EHMT2: variants seen among roughly 807,000 people sequenced by gnomAD.
EHMT2 encodes euchromatic histone lysine methyltransferase 2.
EHMT2 carries 59 observed loss-of-function variants against 143.3 expected under a neutral mutation model. The observed-to-expected ratio is 0.41, with a 90% CI of 0.33 to 0.51. EHMT2 has a LOEUF of 0.51. Ranked by LOEUF, EHMT2 falls within the 20% of genes least tolerant of loss-of-function variation. EHMT2 has a pLI of 0.18. For synonymous variants in EHMT2, 604 were observed against 651.5 expected, an observed-to-expected ratio of 0.93 and a Z score of 1.11; for missense variants, 1,174 against 1,645.9, an observed-to-expected ratio of 0.71 and a Z score of 4.96.
At chr6:31,891,687 A>G (rs1333942206) in intron 7 of EHMT2, among the ~76,000 whole-genome samples, 1 of 152,236 alleles carries the variant, frequency 6.6e-6, no homozygotes, top group African/African-American at 2.4e-5. Context: ...CTGTGTAGGC[A>G]AACATATAAG....
At position 31,882,949 on chromosome 6, in the gene EHMT2, G is replaced by A; in HGVS notation, c.3055C>T (p.Gln1019Ter). The A allele has an allele frequency of 6.2e-7, 1 of 1,612,968 alleles. No individual in the cohort carries two copies. ...CAGTTTCTCCAGCATGAGCACGCCT[G>A]GTTACACTCGAAAATCAGCGGAGGC... The change falls in exon 24 of 28, where the codon CAG becomes TAG. Residue 1019 changes from glutamine to a stop codon, truncating the protein, a stop_gained. Coordinates refer to ENST00000375537, the Ensembl canonical transcript of EHMT2. LOFTEE classifies it high-confidence loss of function.
In EHMT2 at chr6:31,888,858, C is replaced by T; in HGVS notation, c.1216+111G>A. 6.6e-7 allele frequency: 1 copy of T among 1,520,624 alleles called. No individual in the cohort carries two copies. The highest frequency in any genetic ancestry group is 1.2e-5 in the South Asian group (1 of 82,372). 94.2% of individuals were successfully genotyped at this position (1,520,624 alleles called of 1,614,324 possible). A position where few individuals can be genotyped will look rare whatever the true frequency, so the allele number is the denominator to read the frequency against. On this transcript the variant is annotated intron_variant, in intron 10 of 27. Transcript: ENST00000375537. The surrounding 1 kb of genome is among the most constrained non-coding windows in gnomAD (Gnocchi z 7.4). ...CCCACCCCGCCATGCCCCAGAACCCCTAAAGCCTGGCCATGGACACCCCGG... is the reference window on the plus strand; with the variant it reads ...CCCACCCCGCCATGCCCCAGAACCCTTAAAGCCTGGCCATGGACACCCCGG...
At chr6:31,897,060 G>T (rs767076987) in intron 1 of EHMT2, 71 bp from the exon 2 acceptor site, 1 of 1,502,914 alleles carries the variant, frequency 6.7e-7, no homozygotes, top group Admixed American at 2.4e-5. Context: ...GGATGCCTGG[G>T]CCCTGGGAAG....
Position 31,884,681 on chromosome 6 carries a change from T to A in EHMT2, c.2567A>T (p.His856Leu), listed in dbSNP as rs1257755961. 1 of 1,582,510 alleles carries A rather than the reference T, an allele frequency of 6.3e-7. No individual in the cohort carries two copies. The highest frequency in any genetic ancestry group is 8.6e-7 in the Non-Finnish European group (1 of 1,160,778). Reference sequence around the variant, plus strand: ...ATGGTAGCTCTCCCGAGCTGCGATGTGCAGGGGGGTGTCCCCATGGTAGTT... The same window carrying A: ...ATGGTAGCTCTCCCGAGCTGCGATGAGCAGGGGGGTGTCCCCATGGTAGTT... The change falls in exon 20 of 28, where the codon CAC becomes CTC. Residue 856 changes from histidine (H) to leucine (L), a missense_variant. Physicochemically the swap from His to Leu is moderately conservative, Grantham distance 99. Transcript: ENST00000375537. This position sits in a 1 kb window ranked among gnomAD's most constrained non-coding sequence, Gnocchi z 7.3.
chr6:31,883,883 G>A lies in EHMT2; in HGVS notation c.2839C>T (p.Pro947Ser). The A allele has an allele frequency of 1.9e-6, 3 of 1,613,980 alleles. No individual in the cohort carries two copies. The highest frequency in any genetic ancestry group is 2.5e-6 in the Non-Finnish European group (3 of 1,179,972). ...TCTGAGATGTACTTGTAATCCTCAG[G>A]GCAGGGCTCCCCATCCACACCGTTG... The change falls in exon 22 of 28, where the codon CCT becomes TCT. Residue 947 changes from proline to serine, a missense_variant. Transcript: ENST00000375537. The surrounding 1 kb of genome is among the most constrained non-coding windows in gnomAD (Gnocchi z 5.6).
At chr6:31,887,859 G>T in exon 14 of EHMT2, 2 of 1,611,570 alleles carry the variant, frequency 1.2e-6, no homozygotes, top group Non-Finnish European at 8.5e-7. Flanking sequence ...CTGAAAGGCA[G>T]CCCCCATTGG....
At chr6:31,891,191 C>T (rs1419460933) in intron 7 of EHMT2, among the ~76,000 whole-genome samples, 1 of 152,100 alleles carries the variant, frequency 6.6e-6, no homozygotes, top group Non-Finnish European at 1.5e-5. Flanking sequence ...GTGATCTGCC[C>T]GCCTTGGCCT....
Position 31,897,638 on chromosome 6 carries a change from C to A in EHMT2, c.40G>T (p.Glu14Ter), listed in dbSNP as rs1294022312. 8.7e-7 allele frequency: 1 copy of A among 1,155,268 alleles called. No homozygotes were observed. Among genetic ancestry groups the A allele is most frequent in the Non-Finnish European group, 1.1e-6 (1 of 938,646 alleles). 71.6% of individuals were successfully genotyped at this position (1,155,268 alleles called of 1,614,324 possible). Reference sequence around the variant, plus strand: ...CCTCTCCCCCTCCCCTTCCGCACCTCGGCGGCCGCCGCCGCTGCAGCTCCC... The same window carrying A: ...CCTCTCCCCCTCCCCTTCCGCACCTAGGCGGCCGCCGCCGCTGCAGCTCCC... The change falls in exon 1 of 28, where the codon GAG (glutamate) becomes TAG (stop). Residue 14 changes from glutamate (E) to a stop codon, truncating the protein, a stop_gained and splice_region_variant. Coordinates refer to ENST00000375537, the Ensembl canonical transcript of EHMT2. LOFTEE classifies it high-confidence loss of function.
In EHMT2 at chr6:31,884,796, C is replaced by T. The variant is rs989684920; in HGVS notation, c.2452G>A (p.Glu818Lys). 2 of 1,597,086 alleles carry T rather than the reference C, an allele frequency of 1.3e-6. No individual in the cohort carries two copies. The highest frequency in any genetic ancestry group is 1.7e-6 in the Non-Finnish European group (2 of 1,171,716). Reference sequence around the variant, plus strand: ...GAGGCCCAGTGCAGGCAGATGTTCTCCTCCTGTGGAGGTAGGAGGGGAACA... The same window carrying T: ...GAGGCCCAGTGCAGGCAGATGTTCTTCTCCTGTGGAGGTAGGAGGGGAACA... Residue 818 changes from glutamate (E) to lysine (K), a missense_variant, in exon 20 of 28, where the codon GAG becomes AAG. This residue lies in a region of EHMT2 where 608 missense variants were observed against 903.7 expected (regional missense o/e 0.67). Transcript: ENST00000375537. The surrounding 1 kb of genome is among the most constrained non-coding windows in gnomAD (Gnocchi z 7.3).
exon 14 of EHMT2, chr6:31,887,801 G>A (rs1765076649): frequency 6.2e-7 from 1 of 1,603,896 alleles, no homozygotes; most frequent in South Asian, 1.1e-5. Flanking sequence ...TGGATGACCA[G>A]GGCCTTTTCC....
chr6:31,883,899 C>T lies in EHMT2; in HGVS notation c.2823G>A (p.Val941=), dbSNP rs774415392. 1.9e-5 allele frequency: 30 copies of T among 1,613,878 alleles called. No homozygotes were observed. The highest frequency in any genetic ancestry group is 2.5e-5 in the Non-Finnish European group (30 of 1,179,984). Residue 941 remains valine (V), a synonymous_variant, in exon 22 of 28, where the codon GTG becomes GTA. Coordinates refer to ENST00000375537, the Ensembl canonical transcript of EHMT2. The surrounding 1 kb of genome is among the most constrained non-coding windows in gnomAD (Gnocchi z 5.6). ...AATCCTCAGGGCAGGGCTCCCCATC[C>T]ACACCGTTGACACAGGGAATGGGCA...
At chr6:31,892,286 T>G in intron 7 of EHMT2, 121 bp downstream of exon 7, 1 of 1,139,812 alleles carries the variant, frequency 8.8e-7, no homozygotes, top group Non-Finnish European at 1.2e-6. Flanking sequence ...GGCAATGACT[T>G]AGTGGATATT....
In EHMT2 at chr6:31,889,091, G is replaced by T. The variant is rs776926429; in HGVS notation, c.1115-21C>A. ...CACTCCTGACACAGAGACAGAGAGA[G>T]TGAGAGTGCGAGCTCACAGGTGCCT... On this transcript the variant is annotated intron_variant, in intron 9 of 27. Coordinates refer to ENST00000375537, the Ensembl canonical transcript of EHMT2. The surrounding 1 kb of genome is among the most constrained non-coding windows in gnomAD (Gnocchi z 5.1). 10 of 1,587,944 alleles carry T rather than the reference G, an allele frequency of 6.3e-6. No individual in the cohort carries two copies. The highest frequency in any genetic ancestry group is 8.6e-6 in the Non-Finnish European group (10 of 1,166,326).
exon 14 of EHMT2, chr6:31,887,919 G>A (rs766303516): frequency 6.9e-6 from 11 of 1,603,756 alleles, no homozygotes; most frequent in Middle Eastern, 1.7e-4. Flanking sequence ...CCAGGGGATC[G>A]CAGGGCGGGC....
At position 31,883,135 on chromosome 6, in the gene EHMT2, C is replaced by G; in HGVS notation, c.2995-126G>C. ...GGGAGGTCACACAGGCTCTGAGATCCGAGAGCACGAAATGCAGGAGCATCA... is the reference window on the plus strand; with the variant it reads ...GGGAGGTCACACAGGCTCTGAGATCGGAGAGCACGAAATGCAGGAGCATCA... On this transcript the variant is annotated intron_variant, in intron 23 of 27. Coordinates refer to ENST00000375537, the Ensembl canonical transcript of EHMT2. The surrounding 1 kb of genome is among the most constrained non-coding windows in gnomAD (Gnocchi z 5.6). 1 of 923,278 alleles carries G rather than the reference C, an allele frequency of 1.1e-6. No individual in the cohort carries two copies. Among genetic ancestry groups the G allele is most frequent in the Non-Finnish European group, 1.7e-6 (1 of 588,164 alleles). The allele number at this position is 923,278 out of a possible 1,614,324, so 57.2% of individuals were successfully genotyped here.
intron 18 of EHMT2, chr6:31,885,795 C>G (rs1764758389): frequency 6.6e-6 from 1 of 152,168 alleles, no homozygotes; most frequent in Admixed American, 6.6e-5. Context: ...CAGCGACAAC[C>G]CAATAACAAT....
Position 31,883,115 on chromosome 6 carries a change from G to T in EHMT2, c.2995-106C>A. The T allele has an allele frequency of 9.3e-7, 1 of 1,076,380 alleles. No individual in the cohort carries two copies. The highest frequency in any genetic ancestry group is 1.4e-6 in the Non-Finnish European group (1 of 718,678). The allele number at this position is 1,076,380 out of a possible 1,614,324, so 66.7% of individuals were successfully genotyped here. A position where few individuals can be genotyped will look rare whatever the true frequency, so the allele number is the denominator to read the frequency against. On this transcript the variant is annotated intron_variant, in intron 23 of 27. Transcript: ENST00000375537. This position sits in a 1 kb window ranked among gnomAD's most constrained non-coding sequence, Gnocchi z 5.6. ...AGACAGGGAAGTTGGGGTTGGGGAG[G>T]TCACACAGGCTCTGAGATCCGAGAG... is the stretch of plus-strand genomic sequence containing the variant.
Position 31,884,879 on chromosome 6 carries a change from G to C in EHMT2, c.2448+33C>G, listed in dbSNP as rs751615708. On this transcript the variant is annotated intron_variant, in intron 19 of 27. Transcript: ENST00000375537. This position sits in a 1 kb window ranked among gnomAD's most constrained non-coding sequence, Gnocchi z 7.3. Reference sequence around the variant, plus strand: ...AGCCTCCACCTTGCTCAGGGGCCTGGGGCTGCCCTACCTCAACCAAACGCT... The same window carrying C: ...AGCCTCCACCTTGCTCAGGGGCCTGCGGCTGCCCTACCTCAACCAAACGCT... 3 of 1,588,612 alleles carry C rather than the reference G, an allele frequency of 1.9e-6. No individual in the cohort carries two copies. Among genetic ancestry groups the C allele is most frequent in the Non-Finnish European group, 2.6e-6 (3 of 1,161,450 alleles).
In EHMT2 at chr6:31,889,073, GAC is replaced by G; in HGVS notation, c.1115-5_1115-4del. 1.3e-6 allele frequency: 2 copies of G among 1,599,836 alleles called. No individual in the cohort carries two copies. Among genetic ancestry groups the G allele is most frequent in the South Asian group, 2.3e-5 (2 of 88,382 alleles). On this transcript the variant is annotated splice_polypyrimidine_tract_variant and splice_region_variant and intron_variant, in intron 9 of 27. Coordinates refer to ENST00000375537, the Ensembl canonical transcript of EHMT2. This position sits in a 1 kb window ranked among gnomAD's most constrained non-coding sequence, Gnocchi z 5.1. Reference sequence around the variant, plus strand: ...TGAGGAGCCCACACCATTCACTCCTGACACAGAGACAGAGAGAGTGAGAGTGC... The same window carrying G: ...TGAGGAGCCCACACCATTCACTCCTGACAGAGACAGAGAGAGTGAGAGTGC...
Sources: gnomAD v4.1 joint callset for allele counts (sites outside exome capture counted in the v4.1 genomes callset) on GRCh38, gnomAD v4.1.1 for gene constraint, gnomAD v4.1.1 regional missense constraint, Gnocchi (gnomAD v3.1) non-coding constraint, MANE v1.5 for transcripts, NCBI Gene and HGNC (gene_info 2026-07-23, HGNC 2026-07-21) for gene names.